LAMP2: variants seen among roughly 807,000 people sequenced by gnomAD.
LAMP2 encodes lysosome associated membrane protein 2.
In LAMP2, 4 loss-of-function variants were observed where a neutral mutation model predicts 25.6. The ratio of observed to expected loss-of-function variants is 0.16; its 90% confidence interval spans 0.08 to 0.36. LAMP2 has a LOEUF of 0.36. LAMP2 is among the 10% of genes least tolerant of loss of function. The pLI is 1.00. For synonymous variants in LAMP2, 108 were observed against 112.7 expected, an observed-to-expected ratio of 0.96 and a Z score of 0.27; for missense variants, 272 against 301.4, an observed-to-expected ratio of 0.90 and a Z score of 0.72.
At position 120,429,421 on chromosome X, in the gene LAMP2, T is replaced by C. The variant is rs1352527356; in HGVS notation, c.*1902A>G. On this transcript the variant is annotated 3_prime_UTR_variant, in exon 9 of 9. Coordinates refer to ENST00000200639, the MANE Select transcript of LAMP2 (RefSeq NM_002294.3). ...TCTGTAAGAAGGGGATAATAATACCTATAAGGTATTTGAGGATTAAATACA... is the reference window on the plus strand; with the variant it reads ...TCTGTAAGAAGGGGATAATAATACCCATAAGGTATTTGAGGATTAAATACA... The C allele has an allele frequency of 1.8e-6, 1 of 560,863 alleles. No individual in the cohort carries two copies. Among genetic ancestry groups the C allele is most frequent in the African/African-American group, 2.6e-5 (1 of 39,122 alleles). The allele number at this position is 560,863 out of a possible 1,213,427, so 46.2% of individuals were successfully genotyped here.
chrX:120,455,273 A>G, intron 3 of LAMP2, 84 bp downstream of exon 3: 1 of 811,832 alleles, frequency 1.2e-6, no homozygotes. Context: ...GAAGACAGAC[A>G]TTCATAACAA....
chrX:120,453,538 G>C (rs745992285), intron 3 of LAMP2, among the ~76,000 whole-genome samples: 2 of 112,265 alleles, frequency 1.8e-5, no homozygotes, highest in Non-Finnish European at 3.8e-5. Flanking sequence ...GACCACGTGC[G>C]GTGGCTCACG....
At chrX:120,453,136 A>G (rs1016519022) in intron 3 of LAMP2, among the ~76,000 whole-genome samples, 1 of 111,470 alleles carries the variant, frequency 9.0e-6, no homozygotes, top group Non-Finnish European at 1.9e-5. Flanking sequence ...AGTGAGGGGC[A>G]TATCTTATAC....
upstream of LAMP2, chrX:120,469,333 G>A (rs1288540183): frequency 4.1e-6 from 2 of 490,987 alleles, no homozygotes; most frequent in Non-Finnish European, 7.0e-6. Flanking sequence ...ATAAGACTAG[G>A]GGCGGGGCTC....
In LAMP2 at chrX:120,443,124, C is replaced by T. The variant is rs942925445; in HGVS notation, c.865-462G>A. Among the ~76,000 whole-genome samples the T allele has an allele frequency of 2.7e-5, 3 of 111,974 alleles. No homozygotes were observed. The East Asian group carries it at 8.4e-4, about 31-fold the overall frequency. On this transcript the variant is annotated intron_variant, in intron 6 of 8. Transcript: ENST00000200639. ...CTCCAGGAGCTACCAAAATGAACCA[C>T]ACTTCAATCCTGCCTTCACCCTGTT...
At chrX:120,439,662 T>TTA (rs780434437) in intron 8 of LAMP2, among the ~76,000 whole-genome samples, 2 of 109,880 alleles carry the variant, frequency 1.8e-5, no homozygotes, top group African/African-American at 3.3e-5. Flanking sequence ...AATGCACACA[T>TTA]TATATATATG....
At chrX:120,449,910 G>A (rs995826572) in intron 3 of LAMP2, among the ~76,000 whole-genome samples, 8 of 111,282 alleles carry the variant, frequency 7.2e-5, no homozygotes, top group African/African-American at 2.6e-4. Flanking sequence ...GGTAAGGGAG[G>A]GTTGCCTAAA....
intron 2 of LAMP2, among the ~76,000 whole-genome samples, chrX:120,456,036 A>AT (rs66809896): frequency 0.011 from 1,027 of 89,575 alleles, 11 homozygotes; most frequent in African/African-American, 0.036. Context: ...TAAGTAAGCG[A>AT]TTTTTTTTTT....
chrX:120,437,516 A>G (rs1331667387), intron 8 of LAMP2: 1 of 750,110 alleles, frequency 1.3e-6, no homozygotes, highest in Admixed American at 8.9e-5. Flanking sequence ...ACACACCAAA[A>G]AAGTTCTCCT....
intron 1 of LAMP2, among the ~76,000 whole-genome samples, chrX:120,462,028 T>C (rs1339449010): frequency 8.9e-6 from 1 of 112,038 alleles, no homozygotes; most frequent in African/African-American, 3.2e-5. Flanking sequence ...ATTGCTGTGT[T>C]TGATTTTACA....
Position 120,428,271 on chromosome X carries a change from A to G in LAMP2, c.*3052T>C. On this transcript the variant is annotated 3_prime_UTR_variant, in exon 9 of 9. Coordinates refer to ENST00000200639, the MANE Select transcript of LAMP2 (RefSeq NM_002294.3). The stretch of plus-strand genomic sequence containing the variant: ...ATTCTAAGCCACAATTTTTCTTTTA[A>G]TTATACTTTAACAAAGGAAGAAAAA... The G allele has an allele frequency of 2.9e-6, 1 of 346,551 alleles. No individual in the cohort carries two copies. The highest frequency in any genetic ancestry group is 4.5e-6 in the Non-Finnish European group (1 of 221,726). 28.6% of individuals were successfully genotyped at this position (346,551 alleles called of 1,213,427 possible).
rs772032599 is a variant in LAMP2, at chrX:120,445,265, T to C, written c.864+1040A>G. Among the ~76,000 whole-genome samples the C allele has an allele frequency of 2.7e-5, 3 of 112,495 alleles. No homozygotes were observed. The East Asian group carries it at 8.4e-4, about 31-fold the overall frequency. On this transcript the variant is annotated intron_variant, in intron 6 of 8. Transcript: ENST00000200639. Reference sequence around the variant, plus strand: ...AGTAATTCACTGGTCACATGGTACTTTAACAGAGGAATTATTTGAATGCTG... The same window carrying C: ...AGTAATTCACTGGTCACATGGTACTCTAACAGAGGAATTATTTGAATGCTG...
intron 6 of LAMP2, among the ~76,000 whole-genome samples, chrX:120,445,989 C>T (rs1201742604): frequency 1.8e-5 from 2 of 111,730 alleles, no homozygotes; most frequent in African/African-American, 6.5e-5. Flanking sequence ...ATGGAAATTA[C>T]TTATGTATGG....
chrX:120,464,104 C>T (rs981853166), intron 1 of LAMP2, among the ~76,000 whole-genome samples: 1 of 111,069 alleles, frequency 9.0e-6, no homozygotes. Flanking sequence ...ACCTAACTCT[C>T]CTCACCAAGG....
At chrX:120,446,235 A>C in intron 6 of LAMP2, 70 bp downstream of exon 6, 1 of 878,018 alleles carries the variant, frequency 1.1e-6, no homozygotes. Flanking sequence ...CCCTCCCCCC[A>C]TGCAACTATT....
rs1452223693 is a variant in LAMP2, at chrX:120,428,314, T to A, written c.*3009A>T. 1.9e-6 allele frequency: 1 copy of A among 531,202 alleles called. No homozygotes were observed. Among genetic ancestry groups the A allele is most frequent in the Non-Finnish European group, 2.6e-6 (1 of 378,809 alleles). The allele number at this position is 531,202 out of a possible 1,213,427, so 43.8% of individuals were successfully genotyped here. ...AAGAAAAAAAACAGAAAAAAATTGGTCCTAATATATTTTGTCTTAAATAAG... is the reference window on the plus strand; with the variant it reads ...AAGAAAAAAAACAGAAAAAAATTGGACCTAATATATTTTGTCTTAAATAAG... On this transcript the variant is annotated 3_prime_UTR_variant, in exon 9 of 9. Coordinates refer to ENST00000200639, the MANE Select transcript of LAMP2 (RefSeq NM_002294.3).
At chrX:120,432,532 G>A (rs138972627) in intron 8 of LAMP2, among the ~76,000 whole-genome samples, 1,211 of 111,125 alleles carry the variant, frequency 0.011, 9 homozygotes, top group Non-Finnish European at 0.018. Context: ...TCCTGAGCTG[G>A]ATTAATGAAG....
rs1423889157 is a variant in LAMP2 at position 120,468,554 on chromosome X, T to C, written c.64+552A>G. The stretch of plus-strand genomic sequence containing the variant: ...CAGTCTCAAATTCCAACCTTCAAAA[T>C]GCCCAACCCTGTCACTGCCCCTGCC... On this transcript the variant is annotated intron_variant, in intron 1 of 8. Transcript: ENST00000200639. 2.7e-5 allele frequency among the ~76,000 whole-genome samples: 3 copies of C among 110,604 alleles called. No individual in the cohort carries two copies. In the Admixed American group the frequency reaches 2.9e-4, roughly 11 times the overall value.
intron 6 of LAMP2, among the ~76,000 whole-genome samples, chrX:120,443,809 G>A (rs776779978): frequency 4.6e-4 from 51 of 110,975 alleles, no homozygotes; most frequent in South Asian, 2.3e-3. Flanking sequence ...GTGAAATCCC[G>A]TCTCTATTAA....
Sources: gnomAD v4.1 joint callset for allele counts (sites outside exome capture counted in the v4.1 genomes callset) on GRCh38, gnomAD v4.1.1 for gene constraint, MANE v1.5 for transcripts, NCBI Gene and HGNC (gene_info 2026-07-23, HGNC 2026-07-21) for gene names.